MARCHF1: variants seen among roughly 807,000 people sequenced by gnomAD.
The protein encoded by MARCHF1 is membrane associated ring-CH-type finger 1, also known as E3 ubiquitin-protein ligase MARCHF1.
Under a neutral mutation model 54.2 loss-of-function variants are expected in MARCHF1, and 40 were observed. The ratio of observed to expected loss-of-function variants is 0.74; its 90% CI spans 0.57 to 0.96. MARCHF1 has a LOEUF of 0.96. Among genes scored for constraint, MARCHF1 ranks in the 40% least tolerant of loss-of-function variants. The pLI is 0.00. For synonymous variants in MARCHF1, 236 were observed against 236.3 expected, an observed-to-expected ratio of 1.00 and a Z score of 0.01; for missense variants, 586 against 656.5, an observed-to-expected ratio of 0.89 and a Z score of 1.17.
chr4:164,109,787 A>G (rs1049593840), intron 2 of MARCHF1, among the ~76,000 whole-genome samples: 5 of 151,618 alleles, frequency 3.3e-5, no homozygotes, highest in Non-Finnish European at 7.4e-5. Flanking sequence ...ACCTGTAGAG[A>G]GTGAATGTAG....
intron 8 of MARCHF1, chr4:163,585,007 T>A (rs1051087980): frequency 1.3e-5 from 2 of 152,270 alleles, no homozygotes; most frequent in African/African-American, 4.8e-5. Flanking sequence ...ATTGTATAAG[T>A]TCATTGTCCT....
At chr4:164,350,982 G>T (rs191328559) in intron 1 of MARCHF1, among the ~76,000 whole-genome samples, 22 of 152,102 alleles carry the variant, frequency 1.4e-4, no homozygotes, top group East Asian at 1.4e-3. Context: ...TTCCCTTTCC[G>T]AGTCAAAGAA....
At chr4:163,636,400 C>A in intron 5 of MARCHF1, among the ~76,000 whole-genome samples, 1 of 144,778 alleles carries the variant, frequency 6.9e-6, no homozygotes. Context: ...AGCAAAGTCT[C>A]AGGATACAAA....
intron 1 of MARCHF1, among the ~76,000 whole-genome samples, chr4:164,157,200 CAT>C (rs1215931377): frequency 1.1e-4 from 16 of 151,634 alleles, no homozygotes; most frequent in African/African-American, 3.9e-4. Flanking sequence ...TATATATTAA[CAT>C]GTTCTCTTAT....
At chr4:163,805,111 A>C (rs1748187948) in intron 4 of MARCHF1, among the ~76,000 whole-genome samples, 1 of 152,150 alleles carries the variant, frequency 6.6e-6, no homozygotes, top group African/African-American at 2.4e-5. Context: ...ACATGTTTTA[A>C]GAGTCAAGTG....
intron 1 of MARCHF1, among the ~76,000 whole-genome samples, chr4:164,177,887 T>A (rs916335223): frequency 6.6e-6 from 1 of 152,058 alleles, no homozygotes; most frequent in South Asian, 2.1e-4. Flanking sequence ...AGTGTACTTC[T>A]GCATGTGTCA....
At chr4:163,558,424 T>C (rs1739360609) in intron 8 of MARCHF1, among the ~76,000 whole-genome samples, 1 of 152,072 alleles carries the variant, frequency 6.6e-6, no homozygotes, top group African/African-American at 2.4e-5. Flanking sequence ...CTTGAGCAAG[T>C]GGAGGAGATG....
intron 2 of MARCHF1, among the ~76,000 whole-genome samples, chr4:164,073,242 A>T (rs1467179448): frequency 6.6e-6 from 1 of 152,174 alleles, no homozygotes; most frequent in Non-Finnish European, 1.5e-5. Context: ...CTTAGAACCA[A>T]CCCAAAATCC....
intron 5 of MARCHF1, among the ~76,000 whole-genome samples, chr4:163,679,214 T>G (rs1015822493): frequency 6.6e-6 from 1 of 152,236 alleles, no homozygotes; most frequent in African/African-American, 2.4e-5. Context: ...ATGTTTGAAC[T>G]GGTGGTATGG....
intron 3 of MARCHF1, among the ~76,000 whole-genome samples, chr4:163,955,958 G>T (rs554122856): frequency 6.6e-6 from 1 of 152,224 alleles, no homozygotes; most frequent in African/African-American, 2.4e-5. Flanking sequence ...ACAAGTAAAT[G>T]CAATATGGAT....
At chr4:164,315,934 A>G (rs1197434421) in intron 1 of MARCHF1, among the ~76,000 whole-genome samples, 1 of 152,160 alleles carries the variant, frequency 6.6e-6, no homozygotes, top group Admixed American at 6.6e-5. Flanking sequence ...TGAGTGCAGG[A>G]TCTGTAGGTA....
intron 2 of MARCHF1, among the ~76,000 whole-genome samples, chr4:164,055,954 C>T (rs1453908193): frequency 6.6e-6 from 1 of 152,130 alleles, no homozygotes; most frequent in Non-Finnish European, 1.5e-5. Context: ...TAAGGAAAAG[C>T]GCAAACATCC....
intron 4 of MARCHF1, among the ~76,000 whole-genome samples, chr4:163,848,713 C>T (rs1246364017): frequency 6.6e-6 from 1 of 152,132 alleles, no homozygotes; most frequent in Non-Finnish European, 1.5e-5. Context: ...GAGGCCACTT[C>T]CCGCCCTTAG....
At chr4:164,375,286 T>C (rs1731154250) in intron 1 of MARCHF1, among the ~76,000 whole-genome samples, 1 of 152,156 alleles carries the variant, frequency 6.6e-6, no homozygotes. Context: ...AAAGAAAATA[T>C]CTACCCATAA....
chr4:164,363,420 T>G (rs1235798091), intron 1 of MARCHF1, among the ~76,000 whole-genome samples: 1 of 152,166 alleles, frequency 6.6e-6, no homozygotes, highest in Non-Finnish European at 1.5e-5. Flanking sequence ...AAACTACTTC[T>G]TATCTTTGTG....
intron 1 of MARCHF1, among the ~76,000 whole-genome samples, chr4:164,309,399 C>T (rs1344453700): frequency 6.6e-6 from 1 of 152,070 alleles, no homozygotes; most frequent in Admixed American, 6.6e-5. Context: ...TGACAGAACC[C>T]TTCCTGTGAA....
At chr4:164,029,981 T>C (rs1753844703) in intron 2 of MARCHF1, among the ~76,000 whole-genome samples, 1 of 152,212 alleles carries the variant, frequency 6.6e-6, no homozygotes, top group South Asian at 2.1e-4. Flanking sequence ...CATTCATAGA[T>C]AATTTGCAAG....
At chr4:163,766,192 TA>T (rs1036986127) in intron 4 of MARCHF1, among the ~76,000 whole-genome samples, 3 of 151,994 alleles carry the variant, frequency 2.0e-5, no homozygotes, top group Non-Finnish European at 4.4e-5. Flanking sequence ...GTGACACCTA[TA>T]AATCATCTCA....
At chr4:163,685,292 T>TCATTG (rs1744231484) in intron 5 of MARCHF1, among the ~76,000 whole-genome samples, 1 of 152,154 alleles carries the variant, frequency 6.6e-6, no homozygotes, top group Non-Finnish European at 1.5e-5. Flanking sequence ...TGCATAAATC[T>TCATTG]TAAACATGTG....
Sources: allele counts gnomAD v4.1 joint callset (sites outside exome capture counted in the v4.1 genomes callset), GRCh38; gene constraint gnomAD v4.1.1; transcripts MANE v1.5; gene names NCBI Gene and HGNC (gene_info 2026-07-23, HGNC 2026-07-21).